Variants in ZNF423 observed in about 807,000 individuals in gnomAD.
The protein encoded by ZNF423 is zinc finger protein 423.
In ZNF423, 12 loss-of-function variants were observed where a neutral mutation model predicts 95.8. The observed-to-expected ratio is 0.13, with a 90% CI of 0.08 to 0.20. The LOEUF is 0.20. Among genes scored for constraint, ZNF423 ranks in the 10% least tolerant of loss-of-function variants. The probability of loss-of-function intolerance (pLI) is 1.00; values close to 1 mark genes in which losing one functional copy is unlikely to be tolerated. For missense variants in ZNF423, 1,316 were observed against 1,737.1 expected (o/e 0.76, Z 4.31); for synonymous variants, 749 against 711.9 (o/e 1.05, Z -0.83).
chr16:49,651,485 G>A (rs111389671), intron 3 of ZNF423, among the ~76,000 whole-genome samples: 4 of 152,086 alleles, frequency 2.6e-5, no homozygotes, highest in East Asian at 1.9e-4. Context: ...GGGGTGTCCC[G>A]GGCCTTGGAG....
At chr16:49,555,219 G>T (rs1169212545) in intron 5 of ZNF423, among the ~76,000 whole-genome samples, 2 of 152,154 alleles carry the variant, frequency 1.3e-5, no homozygotes, top group Non-Finnish European at 2.9e-5. Context: ...TATGTCAGTA[G>T]GTCCCTCCCA....
chr16:49,531,227 G>A (rs1234274712), intron 5 of ZNF423, among the ~76,000 whole-genome samples: 2 of 151,978 alleles, frequency 1.3e-5, no homozygotes, highest in African/African-American at 4.8e-5. Flanking sequence ...ACCAGCCCCA[G>A]AAATAAATGC....
chr16:49,685,063 G>C (rs1197230042), intron 3 of ZNF423, among the ~76,000 whole-genome samples: 1 of 152,184 alleles, frequency 6.6e-6, no homozygotes, highest in East Asian at 1.9e-4. Flanking sequence ...ACACTGGACA[G>C]GCTGCCCCCA....
chr16:49,756,190 C>T (rs12934947), intron 2 of ZNF423, among the ~76,000 whole-genome samples: 24,355 of 152,036 alleles, frequency 0.16, 2,034 homozygotes, highest in South Asian at 0.26. Context: ...AACGGACTTG[C>T]TGTTTTGAAT....
chr16:49,647,548 A>AGGAG (rs1286738712), intron 3 of ZNF423, among the ~76,000 whole-genome samples: 1 of 152,204 alleles, frequency 6.6e-6, no homozygotes, highest in African/African-American at 2.4e-5. Context: ...TTAAATGTGC[A>AGGAG]GGAGGGAGGC....
chr16:49,536,521 C>A (rs1411251839), intron 5 of ZNF423, among the ~76,000 whole-genome samples: 1 of 147,604 alleles, frequency 6.8e-6, no homozygotes, highest in Non-Finnish European at 1.5e-5. Context: ...CAGCTTAGTG[C>A]AGCTTCAAAC....
rs1265142015 is a variant in ZNF423 at position 49,638,003 on chromosome 16, G to A, written c.1173C>T (p.Thr391=). Residue 391 remains threonine (T), a synonymous_variant, in exon 4 of 8, where the codon ACC becomes ACT. Coordinates refer to ENST00000563137, the MANE Select transcript of ZNF423 (RefSeq NM_001379286.1). This position sits in a 1 kb window ranked among gnomAD's most constrained non-coding sequence, Gnocchi z 5.6. ...DSSASVERGS[T]PDSTLKPLRG... ...GCAGCGGCTTCAAGGTGGAGTCCGG[G>A]GTGGAGCCACGCTCCACAGAGGCGC... is the stretch of plus-strand genomic sequence containing the variant. 20 of 1,614,058 alleles carry A rather than the reference G, an allele frequency of 1.2e-5. No homozygotes were observed. The highest frequency in any genetic ancestry group is 1.7e-5 in the Admixed American group (1 of 60,024).
intron 7 of ZNF423, among the ~76,000 whole-genome samples, chr16:49,508,260 C>T (rs1482311419): frequency 6.6e-6 from 1 of 152,276 alleles, no homozygotes; most frequent in African/African-American, 2.4e-5. Flanking sequence ...ATGGCTCATG[C>T]CTGTAATCCC....
intron 1 of ZNF423, among the ~76,000 whole-genome samples, chr16:49,833,348 G>A (rs1016525159): frequency 2.6e-5 from 4 of 152,122 alleles, no homozygotes; most frequent in Non-Finnish European, 5.9e-5. Flanking sequence ...TCCAGACCCC[G>A]GTATTTATAC....
chr16:49,631,737 G>C (rs1972508830), intron 4 of ZNF423, among the ~76,000 whole-genome samples: 1 of 152,232 alleles, frequency 6.6e-6, no homozygotes, highest in Admixed American at 6.5e-5. Context: ...AGCCAGAGCT[G>C]TTATATTTCC....
chr16:49,842,704 C>T (rs769133373), intron 1 of ZNF423, among the ~76,000 whole-genome samples: 2 of 152,030 alleles, frequency 1.3e-5, no homozygotes, highest in African/African-American at 2.4e-5. Context: ...GGCTGGGCGC[C>T]GTAGCTCACG....
intron 3 of ZNF423, among the ~76,000 whole-genome samples, chr16:49,656,437 G>T (rs113669342): frequency 6.6e-6 from 1 of 152,018 alleles, no homozygotes; most frequent in East Asian, 1.9e-4. Context: ...CTTGAACCCA[G>T]GGGGCAGAGG....
chr16:49,711,769 G>A (rs1237765822), intron 3 of ZNF423: 1 of 152,228 alleles, frequency 6.6e-6, no homozygotes, highest in Non-Finnish European at 1.5e-5. Flanking sequence ...TAGTTAACAA[G>A]GGGGTGGGGA....
At chr16:49,730,744 C>T (rs1567316034) in intron 3 of ZNF423, 27 bp downstream of exon 3, 4 of 1,613,912 alleles carry the variant, frequency 2.5e-6, no homozygotes, top group Non-Finnish European at 3.4e-6. Context: ...AACCACCTGT[C>T]AGAGTCCTGG....
At chr16:49,763,260 T>C (rs1404352818) in intron 2 of ZNF423, among the ~76,000 whole-genome samples, 1 of 151,920 alleles carries the variant, frequency 6.6e-6, no homozygotes, top group Admixed American at 6.6e-5. Flanking sequence ...CTCTGGGTTT[T>C]TTGGTTTTTG....
intron 5 of ZNF423, among the ~76,000 whole-genome samples, chr16:49,580,019 G>C (rs1212170205): frequency 6.6e-6 from 1 of 152,148 alleles, no homozygotes; most frequent in South Asian, 2.1e-4. Context: ...GGCCACCCAC[G>C]GGACCCTGAG....
intron 7 of ZNF423, among the ~76,000 whole-genome samples, chr16:49,511,452 G>T (rs796535270): frequency 9.2e-5 from 14 of 152,296 alleles, no homozygotes; most frequent in East Asian, 7.7e-4. Context: ...ATTTCTCCAC[G>T]CTGGCAGCTA....
At chr16:49,770,746 A>T (rs1042174548) in intron 2 of ZNF423, among the ~76,000 whole-genome samples, 2 of 152,112 alleles carry the variant, frequency 1.3e-5, no homozygotes, top group African/African-American at 2.4e-5. Flanking sequence ...CCTACAAGAG[A>T]TCATCTCCGG....
At chr16:49,646,854 G>A (rs1170229180) in intron 3 of ZNF423, among the ~76,000 whole-genome samples, 1 of 152,196 alleles carries the variant, frequency 6.6e-6, no homozygotes, top group African/African-American at 2.4e-5. Context: ...TCACAGGCGT[G>A]AGCCACCACG....
Sources: gnomAD v4.1 joint callset for allele counts (sites outside exome capture counted in the v4.1 genomes callset) on GRCh38, gnomAD v4.1.1 for gene constraint, Gnocchi (gnomAD v3.1) non-coding constraint, MANE v1.5 for transcripts, NCBI Gene and HGNC (gene_info 2026-07-23, HGNC 2026-07-21) for gene names.